Variants in PRKG1 observed in about 807,000 individuals in gnomAD.
PRKG1 encodes cGMP-dependent protein kinase 1.
PRKG1 carries 35 observed loss-of-function variants against 88.1 expected under a neutral mutation model. The observed-to-expected ratio is 0.40, with a 90% CI of 0.30 to 0.53. The LOEUF (loss-of-function observed/expected upper bound fraction) is 0.53. Ranked by LOEUF, PRKG1 falls within the 20% of genes least tolerant of loss-of-function variation. The pLI is 0.59. For synonymous variants in PRKG1, 303 were observed against 292.5 expected, an observed-to-expected ratio of 1.04 and a Z score of -0.37; for missense variants, 540 against 839.8, an observed-to-expected ratio of 0.64 and a Z score of 4.41.
intron 4 of PRKG1, among the ~76,000 whole-genome samples, chr10:51,872,444 G>A (rs1243505761): frequency 6.6e-6 from 1 of 152,070 alleles, no homozygotes; most frequent in Admixed American, 6.5e-5. Flanking sequence ...AGTTTTTGGT[G>A]GAGTGAGAGA....
chr10:51,935,770 ATATTGTCACCTTTACAAGC>A (rs1286998503), intron 5 of PRKG1, among the ~76,000 whole-genome samples: 1 of 152,038 alleles, frequency 6.6e-6, no homozygotes, highest in Non-Finnish European at 1.5e-5. Flanking sequence ...ATTGGCTATT[ATATTGTCACCTTTACAAGC>A]TATGAGTCTT....
intron 9 of PRKG1, among the ~76,000 whole-genome samples, chr10:52,226,545 T>A (rs1840393005): frequency 6.6e-6 from 1 of 150,800 alleles, no homozygotes; most frequent in Admixed American, 6.6e-5. Context: ...TCAATTAAAA[T>A]CGTATTTCCA....
intron 3 of PRKG1, among the ~76,000 whole-genome samples, chr10:51,576,083 C>T (rs1837877631): frequency 6.6e-6 from 1 of 151,824 alleles, no homozygotes; most frequent in Non-Finnish European, 1.5e-5. Context: ...CTTTGTTTTT[C>T]CCATATCACA....
At position 51,750,032 on chromosome 10, in the gene PRKG1, T is replaced by A. The variant is rs192212566; in HGVS notation, c.593-54553T>A. 2.7e-4 allele frequency among the ~76,000 whole-genome samples: 40 copies of A among 150,666 alleles called. No individual in the cohort carries two copies. In the East Asian group the frequency reaches 6.1e-3, roughly 23 times the overall value. The stretch of plus-strand genomic sequence containing the variant: ...CTCGCTGCAACCTCTGCCTCCCAGG[T>A]TTAAGCGATTCTCCTGTCTCAGCCT... On this transcript the variant is annotated intron_variant, in intron 3 of 17. Coordinates refer to ENST00000373980, the MANE Select transcript of PRKG1 (RefSeq NM_006258.4).
chr10:51,942,792 G>A (rs1343744236), intron 5 of PRKG1, among the ~76,000 whole-genome samples: 1 of 151,230 alleles, frequency 6.6e-6, no homozygotes, highest in Admixed American at 6.6e-5. Context: ...TGAGGGCTCT[G>A]TTCTGTTCCA....
intron 2 of PRKG1, among the ~76,000 whole-genome samples, chr10:51,343,256 A>C (rs1053813025): frequency 3.9e-5 from 6 of 151,972 alleles, no homozygotes; most frequent in African/African-American, 1.5e-4. Flanking sequence ...AATTCTCTGT[A>C]TCTCCAGTTC....
rs186589306 is a variant in PRKG1 at position 51,723,104 on chromosome 10, A to C, written c.593-81481A>C. ...TTAAACTGAATTTGATGTTTTTGTC[A>C]TAAGTGGTCACCATACCACTTTCTG... is the stretch of plus-strand genomic sequence containing the variant. On this transcript the variant is annotated intron_variant, in intron 3 of 17. Coordinates refer to ENST00000373980, the MANE Select transcript of PRKG1 (RefSeq NM_006258.4). Among the ~76,000 whole-genome samples, 255 of 152,326 alleles carry C rather than the reference A, an allele frequency of 1.7e-3. 2 individuals carry two copies. Among genetic ancestry groups the C allele is most frequent in the African/African-American group, 5.4e-3 (223 of 41,574 alleles).
At chr10:52,292,691 C>T (rs990398519) in intron 17 of PRKG1, among the ~76,000 whole-genome samples, 8 of 152,038 alleles carry the variant, frequency 5.3e-5, no homozygotes, top group African/African-American at 1.9e-4. Flanking sequence ...GCAGAAAAGG[C>T]CTCTGACAAA....
rs958637389 is a variant in PRKG1, at chr10:51,662,339, A to G, written c.593-142246A>G. On this transcript the variant is annotated intron_variant, in intron 3 of 17. Coordinates refer to ENST00000373980, the MANE Select transcript of PRKG1 (RefSeq NM_006258.4). ...GGTCATTATGAATTATGTAGAAATTATCTTCTGTATTTTTAGAGTATCTTT... is the reference window on the plus strand; with the variant it reads ...GGTCATTATGAATTATGTAGAAATTGTCTTCTGTATTTTTAGAGTATCTTT... Among the ~76,000 whole-genome samples the G allele has an allele frequency of 6.8e-4, 103 of 152,292 alleles. 1 individual carries two copies. The highest frequency in any genetic ancestry group is 5.9e-5 in the Non-Finnish European group (4 of 68,022).
chr10:51,245,769 C>T (rs1839273714), intron 2 of PRKG1: 1 of 151,990 alleles, frequency 6.6e-6, no homozygotes, highest in African/African-American at 2.4e-5. Context: ...AGACTGAAGA[C>T]CTTAACTGTA....
At chr10:51,990,279 T>C (rs746191437) in intron 5 of PRKG1, among the ~76,000 whole-genome samples, 2 of 152,156 alleles carry the variant, frequency 1.3e-5, no homozygotes, top group Non-Finnish European at 2.9e-5. Context: ...CCTGTAGGTA[T>C]GTTCTTTTTG....
At chr10:52,095,615 C>A (rs1167057880) in intron 7 of PRKG1, among the ~76,000 whole-genome samples, 1 of 152,064 alleles carries the variant, frequency 6.6e-6, no homozygotes, top group Non-Finnish European at 1.5e-5. Context: ...AATAAATATG[C>A]TTTAACAATA....
chr10:51,000,711 T>C (rs1298735143), intron 1 of PRKG1, among the ~76,000 whole-genome samples: 2 of 152,202 alleles, frequency 1.3e-5, no homozygotes, highest in Non-Finnish European at 2.9e-5. Context: ...GCTATGTTGC[T>C]GAGGGTAAGG....
At chr10:51,123,094 G>C (rs534434603) in intron 1 of PRKG1, among the ~76,000 whole-genome samples, 1 of 152,094 alleles carries the variant, frequency 6.6e-6, no homozygotes, top group African/African-American at 2.4e-5. Flanking sequence ...CTCACAGGTG[G>C]TTCCCTGTGG....
chr10:51,144,109 C>T (rs963571501), intron 1 of PRKG1, among the ~76,000 whole-genome samples: 2 of 152,022 alleles, frequency 1.3e-5, no homozygotes, highest in African/African-American at 2.4e-5. Flanking sequence ...TTTGGTCTTG[C>T]ATTTAAGTCT....
intron 4 of PRKG1, among the ~76,000 whole-genome samples, chr10:51,842,617 A>G (rs567276262): frequency 3.3e-5 from 5 of 152,260 alleles, no homozygotes; most frequent in South Asian, 4.1e-4. Context: ...GGAATTTAGC[A>G]CTCATTTTGA....
chr10:51,629,254 C>G (rs1358816687), intron 3 of PRKG1, among the ~76,000 whole-genome samples: 1 of 151,948 alleles, frequency 6.6e-6, no homozygotes, highest in East Asian at 1.9e-4. Context: ...CTTTTTGGCA[C>G]CAGAAACCAG....
intron 5 of PRKG1, among the ~76,000 whole-genome samples, chr10:52,007,050 A>G (rs1844755254): frequency 6.6e-6 from 1 of 152,300 alleles, no homozygotes; most frequent in Admixed American, 6.5e-5. Context: ...AAGGAGAAAT[A>G]AGATCCTTTT....
At chr10:51,640,970 C>T (rs1383101960) in intron 3 of PRKG1, among the ~76,000 whole-genome samples, 5 of 151,938 alleles carry the variant, frequency 3.3e-5, no homozygotes, top group African/African-American at 9.7e-5. Context: ...TTTTGTAACC[C>T]TGACTATACT....
Sources: gnomAD v4.1 joint callset for allele counts (sites outside exome capture counted in the v4.1 genomes callset) on GRCh38, gnomAD v4.1.1 for gene constraint, MANE v1.5 for transcripts, NCBI Gene and HGNC (gene_info 2026-07-23, HGNC 2026-07-21) for gene names.